The following BAIAP2L1 variants were observed in gnomAD, a reference collection of about 807,000 sequenced individuals.
BAIAP2L1 encodes BAR/IMD domain-containing adapter protein 2-like 1.
In BAIAP2L1, 35 loss-of-function variants were observed where a neutral mutation model predicts 66.3. That is an observed-to-expected ratio of 0.53 (90% CI 0.40 to 0.70). BAIAP2L1 has a LOEUF of 0.70. BAIAP2L1 is among the 30% of genes least tolerant of loss of function. BAIAP2L1 has a pLI of 0.00. For missense variants in BAIAP2L1, 622 were observed against 656.9 expected, an observed-to-expected ratio of 0.95 and a Z score of 0.58; for synonymous variants, 269 against 248.7, an observed-to-expected ratio of 1.08 and a Z score of -0.77.
intron 1 of BAIAP2L1, among the ~76,000 whole-genome samples, chr7:98,380,931 G>A (rs943496237): frequency 6.6e-6 from 1 of 151,604 alleles, no homozygotes; most frequent in African/African-American, 2.4e-5. Flanking sequence ...TCATTCTTTG[G>A]TGGTCTCTAA....
chr7:98,343,640 CACTT>C (rs771901162), intron 3 of BAIAP2L1, among the ~76,000 whole-genome samples: 7 of 152,148 alleles, frequency 4.6e-5, no homozygotes, highest in Non-Finnish European at 1.0e-4. Flanking sequence ...TAAATCCAGA[CACTT>C]AGCTAGCTGG....
At chr7:98,310,851 A>AT (rs1800842944) in intron 8 of BAIAP2L1, among the ~76,000 whole-genome samples, 2 of 151,806 alleles carry the variant, frequency 1.3e-5, no homozygotes, top group Non-Finnish European at 2.9e-5. Context: ...ACATCTGGCT[A>AT]TTTTTTGTAT....
At position 98,313,326 on chromosome 7, in the gene BAIAP2L1, CA is replaced by C. The variant is rs557330611; in HGVS notation, c.640-1063del. Among the ~76,000 whole-genome samples, 30 of 152,284 alleles carry C rather than the reference CA, an allele frequency of 2.0e-4. No homozygotes were observed. The East Asian group carries it at 5.8e-3, about 29-fold the overall frequency. ...AGAAACGAGCAGATTTGGTCTGCGT[CA>C]CTCTAGAAAGCATTACTGGGACCGA... On this transcript the variant is annotated intron_variant, in intron 7 of 13. Transcript: ENST00000005260.
chr7:98,375,780 C>G (rs921850884), intron 1 of BAIAP2L1, among the ~76,000 whole-genome samples: 7 of 147,228 alleles, frequency 4.8e-5, no homozygotes, highest in Non-Finnish European at 6.0e-5. Context: ...AAAAAAATTA[C>G]TAACAGTTAA....
At chr7:98,352,749 T>C (rs904598160) in intron 3 of BAIAP2L1, among the ~76,000 whole-genome samples, 22 of 152,196 alleles carry the variant, frequency 1.4e-4, no homozygotes, top group Admixed American at 1.4e-3. Flanking sequence ...AAGCCTGTGT[T>C]GTTTATACCA....
At chr7:98,300,437 G>A (rs1402348252) in intron 12 of BAIAP2L1, among the ~76,000 whole-genome samples, 2 of 152,178 alleles carry the variant, frequency 1.3e-5, no homozygotes, top group African/African-American at 2.4e-5. Flanking sequence ...GTCCCTCCCC[G>A]CAATGCTTTT....
chr7:98,396,041 T>C (rs1803200210), intron 1 of BAIAP2L1, among the ~76,000 whole-genome samples: 1 of 152,184 alleles, frequency 6.6e-6, no homozygotes, highest in Non-Finnish European at 1.5e-5. Flanking sequence ...ATTTTTATTT[T>C]CTTCAACATT....
At chr7:98,339,366 T>C (rs973196858) in intron 3 of BAIAP2L1, among the ~76,000 whole-genome samples, 2 of 152,254 alleles carry the variant, frequency 1.3e-5, no homozygotes, top group Admixed American at 1.3e-4. Flanking sequence ...TAATGGCTAA[T>C]GATGTTGCGC....
chr7:98,317,277 ATCT>A lies in BAIAP2L1; in HGVS notation c.425_427del (p.Lys142del), dbSNP rs1281867532. On this transcript the variant is annotated inframe_deletion, in exon 6 of 14. Transcript: ENST00000005260. ...TCGGCTTCCTTGGCTTTTCCTTCTGATCTTCTTCAACTCAGCTTGGGATTTCTC... is the reference window on the plus strand; with the variant it reads ...TCGGCTTCCTTGGCTTTTCCTTCTGATCTTCAACTCAGCTTGGGATTTCTC... 2.1e-5 allele frequency: 34 copies of A among 1,614,080 alleles called. No homozygotes were observed. Among genetic ancestry groups the A allele is most frequent in the Middle Eastern group, 1.6e-4 (1 of 6,062 alleles).
At chr7:98,352,756 A>G (rs1419637060) in intron 3 of BAIAP2L1, among the ~76,000 whole-genome samples, 1 of 152,234 alleles carries the variant, frequency 6.6e-6, no homozygotes, top group African/African-American at 2.4e-5. Context: ...TGTTGTTTAT[A>G]CCAACATCGT....
chr7:98,295,147 G>A (rs1196205876), intron 12 of BAIAP2L1, among the ~76,000 whole-genome samples: 2 of 152,230 alleles, frequency 1.3e-5, no homozygotes, highest in African/African-American at 2.4e-5. Flanking sequence ...TCTCATGCCC[G>A]ATGCCAGCGC....
chr7:98,328,310 C>A (rs7807455), intron 3 of BAIAP2L1, among the ~76,000 whole-genome samples: 57,749 of 151,960 alleles, frequency 0.38, 12,467 homozygotes, highest in Middle Eastern at 0.54. Context: ...CTATAGAGAA[C>A]TCAAGGACAC....
chr7:98,380,656 C>G (rs1802733227), intron 1 of BAIAP2L1, among the ~76,000 whole-genome samples: 1 of 151,204 alleles, frequency 6.6e-6, no homozygotes, highest in Non-Finnish European at 1.5e-5. Context: ...TGGTTTCAGA[C>G]TCTTGGCCTC....
chr7:98,388,164 G>C (rs1802942421), intron 1 of BAIAP2L1, among the ~76,000 whole-genome samples: 1 of 152,160 alleles, frequency 6.6e-6, no homozygotes, highest in South Asian at 2.1e-4. Context: ...TATTCTAAGA[G>C]CTTTCATGTA....
In BAIAP2L1 at chr7:98,345,499, T is replaced by C. The variant is rs907569768; in HGVS notation, c.214+9543A>G. Among the ~76,000 whole-genome samples, 31 of 151,494 alleles carry C rather than the reference T, an allele frequency of 2.0e-4. No individual in the cohort carries two copies. The East Asian group carries it at 2.9e-3, about 14-fold the overall frequency. On this transcript the variant is annotated intron_variant, in intron 3 of 13. Transcript: ENST00000005260. Reference sequence around the variant, plus strand: ...CAGCACTCTGGGAGGCCGAGGCGGGTGGATCACCTGAGGTAAGGAGTTTGA... The same window carrying C: ...CAGCACTCTGGGAGGCCGAGGCGGGCGGATCACCTGAGGTAAGGAGTTTGA...
chr7:98,346,286 CA>C (rs1365459211), intron 3 of BAIAP2L1, among the ~76,000 whole-genome samples: 13 of 152,026 alleles, frequency 8.6e-5, no homozygotes. Context: ...TACAATAGGA[CA>C]AAACACATAA....
chr7:98,293,813 G>A (rs537797951), intron 13 of BAIAP2L1, among the ~76,000 whole-genome samples: 23 of 152,362 alleles, frequency 1.5e-4, no homozygotes, highest in East Asian at 5.8e-4. Context: ...GGTTTTAAGC[G>A]TTCTGGACGT....
At chr7:98,307,432 A>G in intron 10 of BAIAP2L1, 1 of 1,333,888 alleles carries the variant, frequency 7.5e-7, no homozygotes, top group Non-Finnish European at 9.6e-7. Flanking sequence ...TAAAAACAAA[A>G]GAATGTTTAA....
chr7:98,335,185 C>T (rs1022146297), intron 3 of BAIAP2L1, among the ~76,000 whole-genome samples: 8 of 147,094 alleles, frequency 5.4e-5, no homozygotes, highest in African/African-American at 1.7e-4. Flanking sequence ...AAAAATTTAT[C>T]TCCCATGATC....
Sources: allele counts gnomAD v4.1 joint callset (sites outside exome capture counted in the v4.1 genomes callset), GRCh38; gene constraint gnomAD v4.1.1; transcripts MANE v1.5; gene names NCBI Gene and HGNC (gene_info 2026-07-23, HGNC 2026-07-21).